The following SASH1 variants were observed in gnomAD, a reference collection of about 807,000 sequenced individuals.
SASH1 encodes SAM and SH3 domain containing 1.
Under a neutral mutation model 125.2 loss-of-function variants are expected in SASH1, and 44 were observed. The ratio of observed to expected loss-of-function variants is 0.35; its 90% CI spans 0.28 to 0.45. SASH1 has a LOEUF of 0.45. Ranked by LOEUF, SASH1 falls within the 20% of genes least tolerant of loss-of-function variation. The pLI is 1.00. For missense variants in SASH1, 1,426 were observed against 1,614.5 expected, an observed-to-expected ratio of 0.88 and a Z score of 2.00; for synonymous variants, 639 against 649.1, an observed-to-expected ratio of 0.98 and a Z score of 0.24.
chr6:148,261,274 G>A, the SASH1 span, among the ~76,000 whole-genome samples: 9 of 152,128 alleles, frequency 5.9e-5, no homozygotes, highest in Admixed American at 2.0e-4. Context: ...CCTCATTGGA[G>A]GGAGTGGCTG....
chr6:148,487,854 C>T, intron 8 of SASH1, 139 bp downstream of exon 8: 2 of 533,994 alleles, frequency 3.7e-6, no homozygotes, highest in Non-Finnish European at 6.5e-6. Context: ...ATATAGATTG[C>T]TTATTTTCTC....
At chr6:148,305,910 G>A (rs1780117472) in intron 1 of SASH1, among the ~76,000 whole-genome samples, 1 of 152,154 alleles carries the variant, frequency 6.6e-6, no homozygotes, top group African/African-American at 2.4e-5. Context: ...AATAACTCAG[G>A]GAGTACAATG....
chr6:148,477,204 A>G (rs1407242131), intron 7 of SASH1, among the ~76,000 whole-genome samples: 2 of 152,212 alleles, frequency 1.3e-5, no homozygotes, highest in African/African-American at 4.8e-5. Context: ...TAAAACAAAA[A>G]TGGACAAATG....
chr6:148,410,995 A>G (rs375801025), intron 2 of SASH1, among the ~76,000 whole-genome samples: 5 of 152,142 alleles, frequency 3.3e-5, no homozygotes, highest in African/African-American at 9.6e-5. Context: ...ACCTATCTCT[A>G]TTAAAAATAC....
intron 1 of SASH1, among the ~76,000 whole-genome samples, chr6:148,324,705 T>C (rs1277540324): frequency 6.6e-6 from 1 of 152,214 alleles, no homozygotes; most frequent in Non-Finnish European, 1.5e-5. Context: ...AGAAATAGAC[T>C]CTGGGCTGAG....
At position 148,551,736 on chromosome 6, in the gene SASH1, G is replaced by A. The variant is rs987726552; in HGVS notation, c.*3178G>A. The stretch of plus-strand genomic sequence containing the variant: ...AAATTGATAGAGAAAAGAAACTGTC[G>A]AGCAAGTTATATAACAACTAACAAC... On this transcript the variant is annotated 3_prime_UTR_variant, in exon 20 of 20. Transcript: ENST00000367467. 4 of 152,548 alleles carry A rather than the reference G, an allele frequency of 2.6e-5. No homozygotes were observed. Among genetic ancestry groups the A allele is most frequent in the African/African-American group, 7.2e-5 (3 of 41,422 alleles). 9.4% of individuals were successfully genotyped at this position (152,548 alleles called of 1,614,324 possible).
At chr6:148,467,167 G>A (rs142825823) in intron 4 of SASH1, among the ~76,000 whole-genome samples, 10,279 of 131,294 alleles carry the variant, frequency 0.078, 501 homozygotes, top group Non-Finnish European at 0.11. Flanking sequence ...TGCGATCTTG[G>A]CTCACTTCAA....
intron 2 of SASH1, among the ~76,000 whole-genome samples, chr6:148,408,923 A>T (rs985198832): frequency 3.3e-5 from 5 of 152,160 alleles, no homozygotes; most frequent in Non-Finnish European, 7.3e-5. Flanking sequence ...TTTGCTTTGG[A>T]GAAAAAGGCA....
intron 10 of SASH1, among the ~76,000 whole-genome samples, chr6:148,524,121 A>ATATATATATATATATATATT (rs1193506716): frequency 7.8e-6 from 1 of 128,608 alleles, no homozygotes; most frequent in Non-Finnish European, 1.6e-5. Flanking sequence ...ATATATATAT[A>ATATATATATATATATATATT]TTTTTTTTAA....
At position 148,388,596 on chromosome 6, in the gene SASH1, G is replaced by A. The variant is rs374629311; in HGVS notation, c.157-1538G>A. Among the ~76,000 whole-genome samples, 27 of 152,346 alleles carry A rather than the reference G, an allele frequency of 1.8e-4. No homozygotes were observed. In the South Asian group the frequency reaches 5.0e-3, roughly 28 times the overall value. On this transcript the variant is annotated intron_variant, in intron 1 of 19. Coordinates refer to ENST00000367467, the MANE Select transcript of SASH1 (RefSeq NM_015278.5). Reference sequence around the variant, plus strand: ...GGGAAGCAAGGAGCTTTTCTGAAGCGTCATTTTTTTCCCGTCTCTGTTTCT... The same window carrying A: ...GGGAAGCAAGGAGCTTTTCTGAAGCATCATTTTTTTCCCGTCTCTGTTTCT...
chr6:148,244,421 A>G, the SASH1 span, among the ~76,000 whole-genome samples: 1 of 152,212 alleles, frequency 6.6e-6, no homozygotes, highest in Admixed American at 6.5e-5. Flanking sequence ...ACATCAGAAT[A>G]CTACATGCAC....
At chr6:148,328,466 AC>A (rs1780901801) in intron 1 of SASH1, among the ~76,000 whole-genome samples, 1 of 151,882 alleles carries the variant, frequency 6.6e-6, no homozygotes, top group Non-Finnish European at 1.5e-5. Flanking sequence ...AGTGGTGGGC[AC>A]CTGTAATCCC....
chr6:148,275,748 G>T (rs1779166290), intron 1 of SASH1, among the ~76,000 whole-genome samples: 1 of 152,162 alleles, frequency 6.6e-6, no homozygotes, highest in Non-Finnish European at 1.5e-5. Flanking sequence ...GGGGCGTGTG[G>T]TCTCACTCTG....
intron 1 of SASH1, among the ~76,000 whole-genome samples, chr6:148,389,504 A>C (rs1419807968): frequency 6.6e-6 from 1 of 152,278 alleles, no homozygotes; most frequent in Non-Finnish European, 1.5e-5. Context: ...AATGACCATA[A>C]TAATGAATAT....
At chr6:148,326,572 T>C (rs749825849) in intron 1 of SASH1, among the ~76,000 whole-genome samples, 7 of 149,566 alleles carry the variant, frequency 4.7e-5, no homozygotes, top group Non-Finnish European at 7.4e-5. Flanking sequence ...GGCCAGCTAA[T>C]TGTATTTTTA....
upstream of SASH1, among the ~76,000 whole-genome samples, chr6:148,271,008 C>T (rs2128502460): frequency 6.6e-6 from 1 of 150,490 alleles, no homozygotes; most frequent in Non-Finnish European, 1.5e-5. Flanking sequence ...CTCTTGGGTT[C>T]AAGTGATTCT....
In SASH1 at chr6:148,372,354, C is replaced by T. The variant is rs142844121; in HGVS notation, c.157-17780C>T. Among the ~76,000 whole-genome samples, 128 of 152,262 alleles carry T rather than the reference C, an allele frequency of 8.4e-4. 1 individual carries two copies. Among genetic ancestry groups the T allele is most frequent in the African/African-American group, 2.7e-3 (111 of 41,554 alleles). On this transcript the variant is annotated intron_variant, in intron 1 of 19. Transcript: ENST00000367467. ...TAGACGTGCCAGATGTTAGAACTGA[C>T]GCCTCTTAGGAGTTTGTTTTTAATA...
intron 2 of SASH1, among the ~76,000 whole-genome samples, chr6:148,405,335 T>G (rs1038720809): frequency 6.6e-6 from 1 of 152,064 alleles, no homozygotes; most frequent in Non-Finnish European, 1.5e-5. Context: ...GAAAGGAGAA[T>G]AGAAAGCTCC....
At chr6:148,201,773 G>C in the SASH1 span, among the ~76,000 whole-genome samples, 1 of 152,146 alleles carries the variant, frequency 6.6e-6, no homozygotes, top group African/African-American at 2.4e-5. Context: ...CAAACAGCCT[G>C]AGAATAAAGG....
Sources: allele counts gnomAD v4.1 joint callset (sites outside exome capture counted in the v4.1 genomes callset), GRCh38; gene constraint gnomAD v4.1.1; transcripts MANE v1.5; gene names NCBI Gene and HGNC (gene_info 2026-07-23, HGNC 2026-07-21).